The following RAB4A variants were observed in gnomAD, a reference collection of about 807,000 sequenced individuals.
The protein encoded by RAB4A is RAB4A, member RAS oncogene family, also known as ras-related protein Rab-4A.
In RAB4A, 20 loss-of-function variants were observed where a neutral mutation model predicts 34.5. The observed-to-expected ratio is 0.58, with a 90% CI of 0.41 to 0.84. The LOEUF (loss-of-function observed/expected upper bound fraction) is 0.84. Ranked by LOEUF, RAB4A falls within the 40% of genes least tolerant of loss-of-function variation. The pLI is 0.00. For missense variants in RAB4A, 228 were observed against 274.5 expected, an observed-to-expected ratio of 0.83 and a Z score of 1.20; for synonymous variants, 102 against 100.0, an observed-to-expected ratio of 1.02 and a Z score of -0.12.
At position 229,304,111 on chromosome 1, in the gene RAB4A, G is replaced by A. The variant is rs1489745929; in HGVS notation, c.*318G>A. The A allele has an allele frequency of 1.3e-5, 2 of 152,096 alleles. No homozygotes were observed. Among genetic ancestry groups the A allele is most frequent in the African/African-American group, 4.8e-5 (2 of 41,406 alleles). The allele number at this position is 152,096 out of a possible 1,614,324, so 9.4% of individuals were successfully genotyped here. A position where few individuals can be genotyped will look rare whatever the true frequency, so the allele number is the denominator to read the frequency against. On this transcript the variant is annotated 3_prime_UTR_variant, in exon 8 of 8. Coordinates refer to ENST00000366690, the MANE Select transcript of RAB4A (RefSeq NM_004578.4). ...GCGGCTCCACAGCATGGAATCTGAT[G>A]TATGATATGATAGAATGTGGCACTA... is the stretch of plus-strand genomic sequence containing the variant.
chr1:229,291,261 T>C (rs1265058153), intron 3 of RAB4A, among the ~76,000 whole-genome samples: 1 of 152,218 alleles, frequency 6.6e-6, no homozygotes, highest in Non-Finnish European at 1.5e-5. Context: ...AAGATTATCT[T>C]TCTCAGAGAC....
At chr1:229,279,397 T>C (rs1305260398) in intron 1 of RAB4A, among the ~76,000 whole-genome samples, 1 of 152,360 alleles carries the variant, frequency 6.6e-6, no homozygotes, top group South Asian at 2.1e-4. Context: ...ACGGCCACTT[T>C]CTAGCTCATC....
intron 3 of RAB4A, 176 bp downstream of exon 3, chr1:229,289,019 T>G: frequency 1.7e-6 from 1 of 578,526 alleles, no homozygotes; most frequent in East Asian, 3.1e-5. Context: ...TTAGGTTAGC[T>G]CTCTGCAGCA....
intron 6 of RAB4A, among the ~76,000 whole-genome samples, chr1:229,302,318 T>C (rs1657433997): frequency 9.6e-6 from 1 of 103,880 alleles, no homozygotes; most frequent in Admixed American, 1.0e-4. Flanking sequence ...TATTTTTTTT[T>C]TTTTTTTACA....
intron 3 of RAB4A, among the ~76,000 whole-genome samples, chr1:229,289,945 C>G (rs1657025021): frequency 2.0e-5 from 3 of 152,170 alleles, no homozygotes; most frequent in Admixed American, 2.0e-4. Context: ...TGTCTTCCCT[C>G]TCAGAACCCC....
intron 6 of RAB4A, among the ~76,000 whole-genome samples, chr1:229,302,457 C>T (rs1032683679): frequency 6.7e-6 from 1 of 149,462 alleles, no homozygotes; most frequent in Admixed American, 6.7e-5. Flanking sequence ...TTCACTAAAG[C>T]CATGTCCACA....
chr1:229,288,949 C>A (rs1369801747), intron 3 of RAB4A, 106 bp downstream of exon 3: 1 of 703,548 alleles, frequency 1.4e-6, no homozygotes, highest in Non-Finnish European at 2.4e-6. Context: ...CACACCCCTT[C>A]CTTGTCCTAA....
chr1:229,275,200 G>A (rs2102832339), intron 1 of RAB4A, among the ~76,000 whole-genome samples: 1 of 152,294 alleles, frequency 6.6e-6, no homozygotes, highest in South Asian at 2.1e-4. Context: ...CCCTAATTCA[G>A]TGACTGGTGT....
At chr1:229,295,535 C>T (rs1208271115) in intron 3 of RAB4A, among the ~76,000 whole-genome samples, 3 of 152,106 alleles carry the variant, frequency 2.0e-5, no homozygotes, top group African/African-American at 7.2e-5. Flanking sequence ...GATTGCTGAG[C>T]CCCTTAGTGT....
intron 2 of RAB4A, among the ~76,000 whole-genome samples, chr1:229,287,153 G>A (rs1471400678): frequency 6.6e-6 from 1 of 152,184 alleles, no homozygotes; most frequent in Non-Finnish European, 1.5e-5. Flanking sequence ...AAAGAATCGT[G>A]GAGAAAGACC....
At chr1:229,296,532 G>A (rs768964473) in intron 4 of RAB4A, among the ~76,000 whole-genome samples, 13 of 152,214 alleles carry the variant, frequency 8.5e-5, no homozygotes, top group African/African-American at 1.7e-4. Flanking sequence ...GTCCTCAGTA[G>A]CTACATGTGG....
intron 1 of RAB4A, among the ~76,000 whole-genome samples, chr1:229,284,404 T>C (rs1032420933): frequency 1.3e-4 from 20 of 152,304 alleles, no homozygotes; most frequent in African/African-American, 4.8e-4. Context: ...CATCCTTTTC[T>C]AGGGTTTTTA....
At chr1:229,288,620 A>C in intron 2 of RAB4A, 109 bp from the exon 3 acceptor site, 1 of 613,674 alleles carries the variant, frequency 1.6e-6, no homozygotes, top group South Asian at 2.2e-5. Flanking sequence ...GGCTAGAGTA[A>C]TGTCCATTCC....
At chr1:229,282,948 G>GTTACCT (rs1416910659) in intron 1 of RAB4A, among the ~76,000 whole-genome samples, 1 of 152,172 alleles carries the variant, frequency 6.6e-6, no homozygotes, top group Non-Finnish European at 1.5e-5. Context: ...GAATATGTCT[G>GTTACCT]TTACCTTTTT....
chr1:229,285,128 G>A (rs747192157), intron 1 of RAB4A, among the ~76,000 whole-genome samples: 11 of 152,024 alleles, frequency 7.2e-5, no homozygotes, highest in African/African-American at 1.2e-4. Flanking sequence ...CCTCAGTGTC[G>A]CAAGTGGCTG....
At chr1:229,271,474 C>T (rs1656473807) in intron 1 of RAB4A, 104 bp downstream of exon 1, 3 of 977,628 alleles carry the variant, frequency 3.1e-6, no homozygotes, top group East Asian at 5.1e-5. Context: ...GCGGTGGCGC[C>T]GGCCGGAGCC....
intron 3 of RAB4A, among the ~76,000 whole-genome samples, chr1:229,290,512 A>G (rs1657039191): frequency 6.6e-6 from 1 of 152,230 alleles, no homozygotes; most frequent in Admixed American, 6.5e-5. Flanking sequence ...GTCATCTGAA[A>G]GTGAAACCCT....
Position 229,299,058 on chromosome 1 carries a change from A to C in RAB4A, c.527A>C (p.Asn176Thr), listed in dbSNP as rs1185359632. The change falls in exon 6 of 8, where the codon AAC becomes ACC. Residue 176 changes from asparagine to threonine, a missense_variant. Asn to Thr is a moderately conservative substitution (Grantham distance 65). Coordinates refer to ENST00000366690, the MANE Select transcript of RAB4A (RefSeq NM_004578.4). ...AFVQCARKIL[N>T]KIESGELDPE... ...GTACAGTGTGCAAGAAAAATACTTA[A>C]CAAAATCGAATCAGGTAAAAGCCTT... The C allele has an allele frequency of 1.2e-6, 2 of 1,605,032 alleles. No individual in the cohort carries two copies. The highest frequency in any genetic ancestry group is 1.7e-6 in the Non-Finnish European group (2 of 1,177,422).
At chr1:229,289,209 G>A (rs553072606) in intron 3 of RAB4A, 105 of 183,756 alleles carry the variant, frequency 5.7e-4, no homozygotes, top group African/African-American at 2.4e-3. Context: ...ACCTTGTGAG[G>A]GTTTGTTTTG....
Sources: gnomAD v4.1 joint callset for allele counts (sites outside exome capture counted in the v4.1 genomes callset) on GRCh38, gnomAD v4.1.1 for gene constraint, MANE v1.5 for transcripts, NCBI Gene and HGNC (gene_info 2026-07-23, HGNC 2026-07-21) for gene names.